BCOR: variants seen among roughly 807,000 people sequenced by gnomAD.
BCOR encodes BCL-6 corepressor.
In BCOR, 10 loss-of-function variants were observed where a neutral mutation model predicts 86.7. The observed-to-expected ratio is 0.12, with a 90% CI of 0.07 to 0.20. BCOR has a LOEUF of 0.20. BCOR is among the 10% of genes least tolerant of loss of function. The probability of loss-of-function intolerance (pLI) is 1.00; values close to 1 mark genes in which losing one functional copy is unlikely to be tolerated. For missense variants in BCOR, 1,259 were observed against 1,452.1 expected (o/e 0.87, Z 2.16); for synonymous variants, 611 against 609.0 (o/e 1.00, Z -0.05).
chrX:40,170,829 A>G (rs188900310), intron 1 of BCOR, among the ~76,000 whole-genome samples: 1 of 112,184 alleles, frequency 8.9e-6, no homozygotes, highest in African/African-American at 3.2e-5. Flanking sequence ...TATCTCGAAC[A>G]TTGTTGCGTA....
chrX:40,108,140 T>A (rs2147818914), intron 1 of BCOR, among the ~76,000 whole-genome samples: 1 of 112,622 alleles, frequency 8.9e-6, no homozygotes, highest in South Asian at 3.6e-4. Flanking sequence ...TTATGACTCA[T>A]AAAATCGGGC....
chrX:40,090,224 T>G (rs960006390), intron 1 of BCOR, among the ~76,000 whole-genome samples: 7 of 112,760 alleles, frequency 6.2e-5, no homozygotes, highest in African/African-American at 2.3e-4. Flanking sequence ...GCGAAATGGC[T>G]CCGCAGTGCG....
At chrX:40,103,485 GAGA>G (rs1937110807) in intron 1 of BCOR, among the ~76,000 whole-genome samples, 1 of 110,727 alleles carries the variant, frequency 9.0e-6, no homozygotes, top group South Asian at 3.9e-4. Context: ...TGAAGGAGGG[GAGA>G]AGTTCAGAAA....
At chrX:40,094,518 A>G (rs1403492140) in intron 1 of BCOR, among the ~76,000 whole-genome samples, 1 of 113,046 alleles carries the variant, frequency 8.8e-6, no homozygotes, top group Non-Finnish European at 1.9e-5. Flanking sequence ...GGGCACAGTC[A>G]CAGCTCCGCG....
At chrX:40,112,487 T>G (rs1157865644) in intron 1 of BCOR, among the ~76,000 whole-genome samples, 2 of 112,090 alleles carry the variant, frequency 1.8e-5, no homozygotes, top group African/African-American at 6.5e-5. Flanking sequence ...AGAGTTATTA[T>G]GTACATTTTT....
rs768495111 is a variant in BCOR at position 40,132,991 on chromosome X, C to T, written c.-41+44016G>A. On this transcript the variant is annotated intron_variant, in intron 1 of 14. Coordinates refer to the BCOR transcript ENST00000342274. ...CCAGGTGACCCTGAAGCAGTTAGTG[C>T]GTGAACCGGACAGTGAAACCCACTG... Among the ~76,000 whole-genome samples the T allele has an allele frequency of 8.9e-5, 10 of 112,067 alleles. No homozygotes were observed. The East Asian group carries it at 2.8e-3, about 31-fold the overall frequency.
intron 1 of BCOR, among the ~76,000 whole-genome samples, chrX:40,084,462 G>A (rs1000497256): frequency 8.9e-6 from 1 of 111,765 alleles, no homozygotes; most frequent in Middle Eastern, 4.2e-3. Flanking sequence ...GAGGCCACCC[G>A]GCAACAGAAA....
chrX:40,080,776 G>A (rs1391875393), intron 1 of BCOR, among the ~76,000 whole-genome samples: 1 of 108,330 alleles, frequency 9.2e-6, no homozygotes, highest in African/African-American at 3.4e-5. Flanking sequence ...AATGCACAGG[G>A]TCAGATGGAG....
chrX:40,133,145 T>C (rs954707956), intron 1 of BCOR, among the ~76,000 whole-genome samples: 2 of 106,111 alleles, frequency 1.9e-5, no homozygotes, highest in African/African-American at 6.9e-5. Context: ...TTTTCTTTTT[T>C]TTTTTTTTTT....
intron 14 of BCOR, among the ~76,000 whole-genome samples, chrX:40,053,044 A>G (rs1479293958): frequency 9.0e-6 from 1 of 111,428 alleles, no homozygotes; most frequent in Non-Finnish European, 1.9e-5. Context: ...GTGCCCTGCT[A>G]TCAACAGTCA....
chrX:40,176,184 C>T (rs1938747021), intron 1 of BCOR, among the ~76,000 whole-genome samples: 1 of 113,182 alleles, frequency 8.8e-6, no homozygotes, highest in African/African-American at 3.2e-5. Context: ...TGCAGCACTC[C>T]CTTCCGCCTT....
rs1555919769 is a variant in BCOR at position 40,074,772 on chromosome X, C to G, written c.574G>C (p.Val192Leu). The change falls in exon 4 of 15, where the codon GTC becomes CTC. Residue 192 changes from valine (V) to leucine (L), a missense_variant. This residue lies in a region of BCOR where 174 missense variants were observed against 189.3 expected (regional missense o/e 0.92). Transcript: ENST00000378444. Reference sequence around the variant, plus strand: ...GTGGCACCCTCCATGTAAGGATTGACCCAGGGCAGCCGCAGATAACTAGCA... The same window carrying G: ...GTGGCACCCTCCATGTAAGGATTGAGCCAGGGCAGCCGCAGATAACTAGCA... The part of the protein sequence containing the change: ...NGASYLRLPW[V>L]NPYMEGATPA... 8 of 1,211,682 alleles carry G rather than the reference C, an allele frequency of 6.6e-6. No homozygotes were observed. The highest frequency in any genetic ancestry group is 8.9e-6 in the Non-Finnish European group (8 of 895,471).
chrX:40,120,652 C>A, intron 1 of BCOR, among the ~76,000 whole-genome samples: 1 of 111,865 alleles, frequency 8.9e-6, no homozygotes, highest in Admixed American at 9.5e-5. Flanking sequence ...CGCAAATAAC[C>A]ACTGCTGCTG....
At chrX:40,096,842 C>G (rs1351627916) in intron 1 of BCOR, among the ~76,000 whole-genome samples, 6 of 110,496 alleles carry the variant, frequency 5.4e-5, no homozygotes, top group Non-Finnish European at 1.1e-4. Context: ...AGCCCACCTC[C>G]CCCCCCTCCG....
intron 1 of BCOR, among the ~76,000 whole-genome samples, chrX:40,109,664 C>A (rs778449854): frequency 8.9e-6 from 1 of 112,236 alleles, no homozygotes; most frequent in South Asian, 3.6e-4. Flanking sequence ...CCAGGTTCTA[C>A]AGCCACCGAG....
intron 1 of BCOR, among the ~76,000 whole-genome samples, chrX:40,169,847 G>A (rs1569202657): frequency 1.8e-5 from 2 of 111,366 alleles, no homozygotes; most frequent in African/African-American, 3.3e-5. Flanking sequence ...TGCACGGGGG[G>A]CAATGAGGTG....
rs758883383 is a variant in BCOR at position 40,064,446 on chromosome X, C to T, written c.3392G>A (p.Arg1131Gln). ...ASDMPHSPTL[R>Q]VDRKRKVSGD... ...TGAGACTTTGCGTTTCCTGTCCACC[C>T]GGAGGGTGGGGCTGTGAGGCATGTC... Residue 1131 changes from arginine (R) to glutamine (Q), a missense_variant, in exon 7 of 15, where the codon CGG (arginine) becomes CAG (glutamine). Arg to Gln is a conservative substitution (Grantham distance 43). This residue lies in a region of BCOR where 305 missense variants were observed against 286.1 expected (regional missense o/e 1.07). Coordinates refer to ENST00000378444, the MANE Select transcript of BCOR (RefSeq NM_001123385.2). 8 of 1,211,110 alleles carry T rather than the reference C, an allele frequency of 6.6e-6. No homozygotes were observed. The Admixed American group carries it at 8.7e-5, about 13-fold the overall frequency.
intron 1 of BCOR, among the ~76,000 whole-genome samples, chrX:40,124,940 A>C (rs1332987582): frequency 9.4e-6 from 1 of 106,668 alleles, no homozygotes; most frequent in Non-Finnish European, 1.9e-5. Flanking sequence ...ACATACCCTT[A>C]AGGGAGGCCG....
At chrX:40,102,564 G>A (rs991795040), upstream of BCOR, among the ~76,000 whole-genome samples, 4 of 113,945 alleles carry the variant, frequency 3.5e-5, no homozygotes, top group Non-Finnish European at 5.6e-5. Context: ...TACCCGGCTG[G>A]GGGCAGTGAG....
Sources: gnomAD v4.1 joint callset for allele counts (sites outside exome capture counted in the v4.1 genomes callset) on GRCh38, gnomAD v4.1.1 for gene constraint, gnomAD v4.1.1 regional missense constraint, MANE v1.5 for transcripts, NCBI Gene and HGNC (gene_info 2026-07-23, HGNC 2026-07-21) for gene names.